The following RIT2 variants were observed in gnomAD, a reference collection of about 807,000 sequenced individuals.
The protein encoded by RIT2 is Ras like without CAAX 2.
A neutral mutation model predicts 23.7 loss-of-function variants in RIT2; 24 were observed. The ratio of observed to expected loss-of-function variants is 1.01; its 90% CI spans 0.73 to 1.43. The LOEUF (loss-of-function observed/expected upper bound fraction) is 1.43, where lower values mean the gene tolerates loss of function less well. Ranked by LOEUF, RIT2 falls within the 40% of genes most tolerant of loss-of-function variation. The pLI, the probability that RIT2 is intolerant of heterozygous loss-of-function variation, is 0.00. For missense variants in RIT2, 236 were observed against 266.9 expected (o/e 0.88, Z 0.81); for synonymous variants, 107 against 91.1 (o/e 1.17, Z -0.99).
intron 4 of RIT2, among the ~76,000 whole-genome samples, chr18:42,791,507 G>A (rs1451720260): frequency 6.6e-6 from 1 of 152,100 alleles, no homozygotes; most frequent in Non-Finnish European, 1.5e-5. Flanking sequence ...GTAGCTTGTT[G>A]AGAGCTACCT....
At chr18:42,790,418 C>T (rs1398060918) in intron 4 of RIT2, among the ~76,000 whole-genome samples, 1 of 152,168 alleles carries the variant, frequency 6.6e-6, no homozygotes, top group Non-Finnish European at 1.5e-5. Flanking sequence ...GACCTACTTA[C>T]ACGAAAATAC....
At chr18:42,913,254 A>C (rs1430447738) in intron 4 of RIT2, among the ~76,000 whole-genome samples, 3 of 151,860 alleles carry the variant, frequency 2.0e-5, no homozygotes, top group East Asian at 1.9e-4. Flanking sequence ...AATTGATATA[A>C]ATGTGAAACA....
intron 4 of RIT2, among the ~76,000 whole-genome samples, chr18:42,817,965 T>C (rs375134334): frequency 2.6e-5 from 4 of 152,118 alleles, no homozygotes; most frequent in African/African-American, 9.6e-5. Context: ...TTAATAATAA[T>C]ATACAGATTT....
chr18:42,884,025 C>T (rs1445016531), intron 4 of RIT2, among the ~76,000 whole-genome samples: 1 of 152,006 alleles, frequency 6.6e-6, no homozygotes, highest in Non-Finnish European at 1.5e-5. Context: ...CCAAATAAAC[C>T]CAAATTATAG....
intron 4 of RIT2, among the ~76,000 whole-genome samples, chr18:42,847,051 T>G (rs1340622766): frequency 6.6e-6 from 1 of 152,044 alleles, no homozygotes; most frequent in East Asian, 1.9e-4. Flanking sequence ...CAAATTCGAG[T>G]GTTGACAACA....
intron 4 of RIT2, among the ~76,000 whole-genome samples, chr18:42,848,893 A>C (rs1906976989): frequency 6.6e-6 from 1 of 152,194 alleles, no homozygotes; most frequent in South Asian, 2.1e-4. Flanking sequence ...TTGATTATTA[A>C]GGTTTATCTG....
intron 1 of RIT2, among the ~76,000 whole-genome samples, chr18:43,034,596 C>A (rs772837482): frequency 9.2e-5 from 14 of 152,130 alleles, no homozygotes; most frequent in Non-Finnish European, 1.6e-4. Flanking sequence ...TAGCTCTTCT[C>A]TTTCTTTTTT....
chr18:43,058,805 C>G (rs1912570708), intron 1 of RIT2, among the ~76,000 whole-genome samples: 1 of 152,082 alleles, frequency 6.6e-6, no homozygotes, highest in Non-Finnish European at 1.5e-5. Context: ...GGGAGAATTA[C>G]TTGAGCCTGG....
At chr18:43,113,694 C>T (rs1406066124) in intron 1 of RIT2, among the ~76,000 whole-genome samples, 1 of 152,108 alleles carries the variant, frequency 6.6e-6, no homozygotes, top group African/African-American at 2.4e-5. Flanking sequence ...CTCCAAGTTT[C>T]ATTTAGGTGG....
intron 4 of RIT2, among the ~76,000 whole-genome samples, chr18:42,814,723 C>T (rs946032423): frequency 1.3e-5 from 2 of 152,196 alleles, no homozygotes; most frequent in Admixed American, 6.5e-5. Context: ...ACAGCTGATG[C>T]TTTCTGGAAA....
chr18:43,086,565 C>T (rs1913287345), intron 1 of RIT2, among the ~76,000 whole-genome samples: 1 of 152,162 alleles, frequency 6.6e-6, no homozygotes, highest in Non-Finnish European at 1.5e-5. Flanking sequence ...CTGTGTATGC[C>T]CCACTGCGGG....
At chr18:42,846,282 A>T (rs1463800958) in intron 4 of RIT2, among the ~76,000 whole-genome samples, 1 of 151,972 alleles carries the variant, frequency 6.6e-6, no homozygotes, top group African/African-American at 2.4e-5. Context: ...ATAAATTCCC[A>T]GAAAAATAAT....
chr18:42,761,355 T>C (rs1299235535), intron 4 of RIT2, among the ~76,000 whole-genome samples: 1 of 152,208 alleles, frequency 6.6e-6, no homozygotes, highest in Non-Finnish European at 1.5e-5. Context: ...TTTTCTTTTT[T>C]AAATAAAGAA....
At chr18:43,091,819 A>T (rs1913429848) in intron 1 of RIT2, among the ~76,000 whole-genome samples, 1 of 152,078 alleles carries the variant, frequency 6.6e-6, no homozygotes, top group Non-Finnish European at 1.5e-5. Flanking sequence ...GGAAGATTTC[A>T]TCTGTTTTAT....
intron 1 of RIT2, among the ~76,000 whole-genome samples, chr18:43,041,125 A>T (rs1373951943): frequency 6.6e-6 from 1 of 152,156 alleles, no homozygotes; most frequent in East Asian, 1.9e-4. Context: ...CATCATAAAA[A>T]TATCTGGGAA....
chr18:42,937,624 T>A lies in RIT2; in HGVS notation c.235-13861A>T, dbSNP rs78831488. Among the ~76,000 whole-genome samples, 431 of 152,290 alleles carry A rather than the reference T, an allele frequency of 2.8e-3. 21 individuals are homozygous for A. In the East Asian group the frequency reaches 0.072, roughly 25 times the overall value. On this transcript the variant is annotated intron_variant, in intron 3 of 4. Coordinates refer to ENST00000326695, the MANE Select transcript of RIT2 (RefSeq NM_002930.4). ...AAATGCAACTGCAAAGCTGGTTTAC[T>A]TATCAGCTAACCACAAAGCTTCCTG...
At chr18:42,968,388 A>T (rs190992185) in intron 3 of RIT2, among the ~76,000 whole-genome samples, 240 of 152,312 alleles carry the variant, frequency 1.6e-3, no homozygotes, top group African/African-American at 5.3e-3. Flanking sequence ...GAAAATCAGG[A>T]TTCATGCCAA....
chr18:42,942,486 TAGGTCAC>T (rs1568035995), intron 3 of RIT2, among the ~76,000 whole-genome samples: 5 of 152,122 alleles, frequency 3.3e-5, no homozygotes, highest in Non-Finnish European at 5.9e-5. Flanking sequence ...CCTTCGACAG[TAGGTCAC>T]AAATATAGTC....
chr18:43,029,529 T>C (rs1257420440), intron 2 of RIT2, among the ~76,000 whole-genome samples: 1 of 151,982 alleles, frequency 6.6e-6, no homozygotes, highest in East Asian at 1.9e-4. Flanking sequence ...TGTTCTGTAT[T>C]AATGTAATGA....
Sources: allele counts gnomAD v4.1 joint callset (sites outside exome capture counted in the v4.1 genomes callset), GRCh38; gene constraint gnomAD v4.1.1; transcripts MANE v1.5; gene names NCBI Gene and HGNC (gene_info 2026-07-23, HGNC 2026-07-21).